SLC8A1: variants seen among roughly 807,000 people sequenced by gnomAD.
SLC8A1 encodes solute carrier family 8 member A1, also known as sodium/calcium exchanger 1.
Under a neutral mutation model 68.3 loss-of-function variants are expected in SLC8A1, and 18 were observed. The observed-to-expected ratio is 0.26, with a 90% CI of 0.18 to 0.39. SLC8A1 has a LOEUF of 0.39. Ranked by LOEUF, SLC8A1 falls within the 10% of genes least tolerant of loss-of-function variation. SLC8A1 has a pLI of 1.00. For missense variants in SLC8A1, 985 were observed against 1,156.7 expected (o/e 0.85, Z 2.15); for synonymous variants, 475 against 415.5 (o/e 1.14, Z -1.74).
chr2:40,508,233 TA>T (rs746017087), intron 1 of SLC8A1, among the ~76,000 whole-genome samples: 5 of 151,972 alleles, frequency 3.3e-5, no homozygotes, highest in Admixed American at 6.6e-5. Context: ...CTCATTTGCC[TA>T]AAACACCTGG....
intron 2 of SLC8A1, among the ~76,000 whole-genome samples, chr2:40,425,758 T>A (rs1256963571): frequency 6.6e-6 from 1 of 151,852 alleles, no homozygotes; most frequent in African/African-American, 2.4e-5. Flanking sequence ...TTCACTTGGA[T>A]CTGACTGTAT....
chr2:40,157,595 A>AT (rs975150674), intron 6 of SLC8A1, among the ~76,000 whole-genome samples: 5 of 152,028 alleles, frequency 3.3e-5, no homozygotes, highest in African/African-American at 1.2e-4. Context: ...CTGGCACACG[A>AT]TTTTTTAGAG....
chr2:40,265,961 C>T (rs1000685524), intron 2 of SLC8A1, among the ~76,000 whole-genome samples: 2 of 152,078 alleles, frequency 1.3e-5, no homozygotes, highest in African/African-American at 2.4e-5. Context: ...TCAGTTTGAC[C>T]CACTTAACAT....
intron 2 of SLC8A1, among the ~76,000 whole-genome samples, chr2:40,257,218 G>C (rs1244750631): frequency 2.6e-5 from 4 of 152,006 alleles, no homozygotes; most frequent in Admixed American, 6.6e-5. Flanking sequence ...AAAAAGTAAA[G>C]ATAAAAAATA....
At chr2:40,338,810 C>T (rs1177717865) in intron 2 of SLC8A1, among the ~76,000 whole-genome samples, 1 of 152,144 alleles carries the variant, frequency 6.6e-6, no homozygotes, top group Non-Finnish European at 1.5e-5. Flanking sequence ...TACAGGAATT[C>T]AGTAAAATGC....
In SLC8A1 at chr2:40,458,691, C is replaced by T. The variant is rs34305770; in HGVS notation, c.-24-28387G>A. Among the ~76,000 whole-genome samples the T allele has an allele frequency of 5.9e-3, 896 of 152,146 alleles. 9 individuals carry two copies. The highest frequency in any genetic ancestry group is 0.01 in the Non-Finnish European group (698 of 68,010). ...AACCACACAGAGACAGCAATCTGAC[C>T]GAGCCTCAGGCTTGAGTTTGTAAAC... On this transcript the variant is annotated intron_variant, in intron 1 of 7. Transcript: ENST00000402441.
rs139057701 is a variant in SLC8A1 at position 40,158,209 on chromosome 2, C to T, written c.2161+2556G>A. ...CTATTTAGCCATGAAATTTTAAAAT[C>T]CAATGAAAGTCTGACTTCAATAAAT... On this transcript the variant is annotated intron_variant, in intron 6 of 7. Coordinates refer to ENST00000406785, the Ensembl canonical transcript of SLC8A1. Among the ~76,000 whole-genome samples, 382 of 152,188 alleles carry T rather than the reference C, an allele frequency of 2.5e-3. 3 individuals are homozygous for T. Among genetic ancestry groups the T allele is most frequent in the African/African-American group, 8.8e-3 (367 of 41,530 alleles).
intron 7 of SLC8A1, among the ~76,000 whole-genome samples, chr2:40,122,197 T>A (rs528147401): frequency 2.8e-4 from 33 of 116,122 alleles, no homozygotes; most frequent in African/African-American, 8.3e-4. Context: ...CACAAGTGCA[T>A]GCGCGCGCGC....
At chr2:40,133,563 T>C (rs2039849567) in intron 7 of SLC8A1, among the ~76,000 whole-genome samples, 1 of 151,974 alleles carries the variant, frequency 6.6e-6, no homozygotes, top group African/African-American at 2.4e-5. Flanking sequence ...CAGCCTATCA[T>C]ACCCAATTTT....
chr2:40,250,438 T>C (rs2062556357), intron 2 of SLC8A1: 1 of 152,208 alleles, frequency 6.6e-6, no homozygotes, highest in South Asian at 2.1e-4. Flanking sequence ...GATCATTAGC[T>C]GGCACTTTAC....
At chr2:40,230,828 C>G (rs1191251509) in intron 2 of SLC8A1, among the ~76,000 whole-genome samples, 2 of 152,142 alleles carry the variant, frequency 1.3e-5, no homozygotes, top group African/African-American at 2.4e-5. Flanking sequence ...AAAACAGCCA[C>G]TTTGTCATTT....
exon 8 of SLC8A1, chr2:40,112,716 T>A (rs2034700839): frequency 6.6e-6 from 1 of 151,416 alleles, no homozygotes; most frequent in African/African-American, 2.4e-5. Flanking sequence ...AATTGTAAAG[T>A]GTGGGCCATA....
At chr2:40,201,339 G>C (rs1242700834) in intron 2 of SLC8A1, among the ~76,000 whole-genome samples, 2 of 151,748 alleles carry the variant, frequency 1.3e-5, no homozygotes, top group African/African-American at 4.8e-5. Context: ...AACACTATTT[G>C]GCTCTAAAAC....
intron 2 of SLC8A1, among the ~76,000 whole-genome samples, chr2:40,266,725 T>C (rs2065402192): frequency 6.6e-6 from 1 of 152,204 alleles, no homozygotes; most frequent in Non-Finnish European, 1.5e-5. Flanking sequence ...ACTTTCTCTT[T>C]ATTGGGCTAA....
Position 40,491,709 on chromosome 2 carries a change from A to G in SLC8A1, c.-25+20640T>C, listed in dbSNP as rs572764376. ...CATGAAGAGTTGTTGAATTTTGTCAAAGGCCTTTTCTGCATCTATTGAGAG... is the reference window on the plus strand; with the variant it reads ...CATGAAGAGTTGTTGAATTTTGTCAGAGGCCTTTTCTGCATCTATTGAGAG... On this transcript the variant is annotated intron_variant, in intron 1 of 7. Transcript: ENST00000402441. Among the ~76,000 whole-genome samples, 1,328 of 152,248 alleles carry G rather than the reference A, an allele frequency of 8.7e-3. 16 individuals are homozygous for G. Among genetic ancestry groups the G allele is most frequent in the African/African-American group, 0.029 (1,224 of 41,550 alleles).
intron 1 of SLC8A1, among the ~76,000 whole-genome samples, chr2:40,486,891 G>C (rs1705004377): frequency 8.9e-6 from 1 of 112,548 alleles, no homozygotes; most frequent in Non-Finnish European, 1.7e-5. Context: ...CCCCTTTGTA[G>C]AGACATGGAT....
rs138278183 is a variant in SLC8A1 at position 40,312,690 on chromosome 2, T to C, written c.1808+115783A>G. The stretch of plus-strand genomic sequence containing the variant: ...TTGGAAAATACAAGATAAGATTGCA[T>C]ACCAAGTTAATCACATAAATAGAAG... On this transcript the variant is annotated intron_variant, in intron 2 of 7. Coordinates refer to ENST00000406785, the Ensembl canonical transcript of SLC8A1. Among the ~76,000 whole-genome samples, 866 of 152,260 alleles carry C rather than the reference T, an allele frequency of 5.7e-3. 8 individuals carry two copies. Among genetic ancestry groups the C allele is most frequent in the African/African-American group, 0.019 (774 of 41,580 alleles).
intron 2 of SLC8A1, among the ~76,000 whole-genome samples, chr2:40,376,260 C>T (rs898641708): frequency 1.3e-5 from 2 of 152,062 alleles, no homozygotes; most frequent in Admixed American, 6.6e-5. Context: ...TGTACCTCAA[C>T]GGTTTCTGTC....
intron 2 of SLC8A1, among the ~76,000 whole-genome samples, chr2:40,281,273 C>T (rs754237735): frequency 5.3e-5 from 8 of 152,162 alleles, no homozygotes; most frequent in Non-Finnish European, 7.4e-5. Context: ...TGGGGGGGTG[C>T]TCTGAGAAAT....
Sources: gnomAD v4.1 joint callset for allele counts (sites outside exome capture counted in the v4.1 genomes callset) on GRCh38, gnomAD v4.1.1 for gene constraint, MANE v1.5 for transcripts, NCBI Gene and HGNC (gene_info 2026-07-23, HGNC 2026-07-21) for gene names.